Variants in FRMD6 observed in about 807,000 individuals in gnomAD.
The protein encoded by FRMD6 is FERM domain containing 6.
In FRMD6, 37 loss-of-function variants were observed where a neutral mutation model predicts 73.2. The ratio of observed to expected loss-of-function variants is 0.51; its 90% CI spans 0.39 to 0.66. The LOEUF (loss-of-function observed/expected upper bound fraction) is 0.66, where lower values mean the gene tolerates loss of function less well. Ranked by LOEUF, FRMD6 falls within the 30% of genes least tolerant of loss-of-function variation. The pLI is 0.00. For synonymous variants in FRMD6, 273 were observed against 282.2 expected (o/e 0.97, Z 0.33); for missense variants, 714 against 780.5 (o/e 0.91, Z 1.02).
intron 2 of FRMD6, among the ~76,000 whole-genome samples, chr14:51,595,451 G>T (rs1238640746): frequency 6.6e-6 from 1 of 152,202 alleles, no homozygotes; most frequent in African/African-American, 2.4e-5. Flanking sequence ...ATGTTGGAAA[G>T]GTAGAGACCA....
intron 7 of FRMD6, among the ~76,000 whole-genome samples, chr14:51,710,158 T>C (rs2140511110): frequency 6.6e-6 from 1 of 152,300 alleles, no homozygotes; most frequent in African/African-American, 2.4e-5. Context: ...AGTATGGCGC[T>C]TCTGAATTGC....
the FRMD6 span, among the ~76,000 whole-genome samples, chr14:51,474,267 G>A: frequency 6.6e-6 from 1 of 152,222 alleles, no homozygotes; most frequent in Non-Finnish European, 1.5e-5. Flanking sequence ...AGTGAGAATA[G>A]AGACAGGAGT....
At chr14:51,528,790 T>C (rs969834082) in intron 1 of FRMD6, among the ~76,000 whole-genome samples, 8 of 152,216 alleles carry the variant, frequency 5.3e-5, no homozygotes, top group Non-Finnish European at 1.5e-5. Flanking sequence ...AATTGAACCA[T>C]GTCCGTGCAG....
intron 1 of FRMD6, among the ~76,000 whole-genome samples, chr14:51,509,121 G>T (rs960755843): frequency 6.6e-6 from 1 of 152,190 alleles, no homozygotes; most frequent in African/African-American, 2.4e-5. Flanking sequence ...GCCCTGAGGG[G>T]TGGTTTACAA....
chr14:51,503,029 T>C (rs967873325), intron 1 of FRMD6, among the ~76,000 whole-genome samples: 1 of 152,206 alleles, frequency 6.6e-6, no homozygotes, highest in Non-Finnish European at 1.5e-5. Context: ...ATGCTAGTGA[T>C]TTTTGCACAT....
chr14:51,413,073 C>A, the FRMD6 span, among the ~76,000 whole-genome samples: 2 of 150,614 alleles, frequency 1.3e-5, no homozygotes, highest in African/African-American at 4.9e-5. Flanking sequence ...TCACTGCAAC[C>A]TCTGCCTCCT....
chr14:51,633,088 CAAAT>C (rs2139988479), intron 2 of FRMD6, among the ~76,000 whole-genome samples: 1 of 152,110 alleles, frequency 6.6e-6, no homozygotes, highest in East Asian at 1.9e-4. Context: ...ATAGATGTAG[CAAAT>C]AAAGCAAATG....
chr14:51,549,880 C>T (rs1370273414), intron 1 of FRMD6, among the ~76,000 whole-genome samples: 1 of 152,170 alleles, frequency 6.6e-6, no homozygotes, highest in Non-Finnish European at 1.5e-5. Flanking sequence ...CAGGCGTGGG[C>T]CACCGCGCCC....
intron 1 of FRMD6, among the ~76,000 whole-genome samples, chr14:51,671,380 G>A (rs1467746906): frequency 6.6e-6 from 1 of 152,104 alleles, no homozygotes; most frequent in East Asian, 1.9e-4. Flanking sequence ...AATTTTCTTT[G>A]TCATAAAATT....
At chr14:51,533,888 T>C (rs1239216982) in intron 1 of FRMD6, among the ~76,000 whole-genome samples, 1 of 152,222 alleles carries the variant, frequency 6.6e-6, no homozygotes, top group Admixed American at 6.5e-5. Context: ...CACTTGCAGT[T>C]TTCCTGGTGG....
chr14:51,415,210 G>C, the FRMD6 span, among the ~76,000 whole-genome samples: 4 of 152,200 alleles, frequency 2.6e-5, no homozygotes, highest in African/African-American at 7.2e-5. Flanking sequence ...TGGTGAGAGA[G>C]GGCATCCCTG....
chr14:51,521,291 C>T (rs1299547213), intron 1 of FRMD6, among the ~76,000 whole-genome samples: 1 of 152,004 alleles, frequency 6.6e-6, no homozygotes, highest in Non-Finnish European at 1.5e-5. Flanking sequence ...CATGAAAGAA[C>T]ATATATAAAT....
chr14:51,541,105 C>T (rs1886179739), intron 1 of FRMD6, among the ~76,000 whole-genome samples: 1 of 152,084 alleles, frequency 6.6e-6, no homozygotes, highest in Non-Finnish European at 1.5e-5. Context: ...TGTGGGGTGT[C>T]TTAGAGCAGA....
At chr14:51,639,708 T>A (rs895031491) in intron 2 of FRMD6, among the ~76,000 whole-genome samples, 11 of 152,194 alleles carry the variant, frequency 7.2e-5, no homozygotes, top group Admixed American at 2.6e-4. Flanking sequence ...AACTTGTCGT[T>A]CATAGAATAA....
the FRMD6 span, among the ~76,000 whole-genome samples, chr14:51,464,050 T>C: frequency 6.6e-6 from 1 of 152,230 alleles, no homozygotes; most frequent in African/African-American, 2.4e-5. Context: ...GCTCAAGCTA[T>C]CCTCCTACCT....
At chr14:51,646,372 A>G (rs938714229) in intron 2 of FRMD6, among the ~76,000 whole-genome samples, 1 of 149,252 alleles carries the variant, frequency 6.7e-6, no homozygotes, top group African/African-American at 2.5e-5. Context: ...GTGGCCCAAG[A>G]CCTCCATAAT....
chr14:51,474,676 T>A, the FRMD6 span, among the ~76,000 whole-genome samples: 2 of 152,122 alleles, frequency 1.3e-5, no homozygotes, highest in Non-Finnish European at 2.9e-5. Flanking sequence ...TGGGGAGTGA[T>A]GCAGGATAAG....
At chr14:51,692,759 G>GC (rs1289184946) in intron 2 of FRMD6, 1 of 152,096 alleles carries the variant, frequency 6.6e-6, no homozygotes, top group Non-Finnish European at 1.5e-5. Context: ...GTAGTCTATG[G>GC]CCATACTACC....
chr14:51,434,788 T>C, the FRMD6 span, among the ~76,000 whole-genome samples: 2 of 152,180 alleles, frequency 1.3e-5, no homozygotes, highest in Non-Finnish European at 2.9e-5. Flanking sequence ...AAACCTGGCA[T>C]GCATCACCTT....
Sources: gnomAD v4.1 joint callset for allele counts (sites outside exome capture counted in the v4.1 genomes callset) on GRCh38, gnomAD v4.1.1 for gene constraint, MANE v1.5 for transcripts, NCBI Gene and HGNC (gene_info 2026-07-23, HGNC 2026-07-21) for gene names.